SIPA1L1: variants seen among roughly 807,000 people sequenced by gnomAD.
SIPA1L1 encodes signal-induced proliferation-associated 1-like protein 1.
SIPA1L1 carries 26 observed loss-of-function variants against 162.7 expected under a neutral mutation model. That is an observed-to-expected ratio of 0.16 (90% CI 0.12 to 0.22). The LOEUF is 0.22. Ranked by LOEUF, SIPA1L1 falls within the 10% of genes least tolerant of loss-of-function variation. The pLI, the probability that SIPA1L1 is intolerant of heterozygous loss-of-function variation, is 1.00. For missense variants in SIPA1L1, 1,874 were observed against 2,241.0 expected (o/e 0.84, Z 3.31); for synonymous variants, 829 against 837.4 (o/e 0.99, Z 0.17).
rs1418891336 is a variant in SIPA1L1 at position 71,533,331 on chromosome 14, C to G, written c.-303+3961C>G. Reference sequence around the variant, plus strand: ...AATAGACATAAAATGAAGACTTTTCCTAGAGTACCCTTTTTCATTTTTTTC... The same window carrying G: ...AATAGACATAAAATGAAGACTTTTCGTAGAGTACCCTTTTTCATTTTTTTC... On this transcript the variant is annotated intron_variant, in intron 4 of 23. Transcript: ENST00000381232. Among the ~76,000 whole-genome samples the G allele has an allele frequency of 3.3e-5, 5 of 152,028 alleles. No homozygotes were observed. In the South Asian group the frequency reaches 6.2e-4, roughly 19 times the overall value.
chr14:71,723,832 G>T lies in SIPA1L1; in HGVS notation c.4394G>T (p.Gly1465Val). ...GGCGCTACTAGCAAGTACCTGATTG[G>T]ATGGAAAAAACCCGAAGGAACCATA... is the stretch of plus-strand genomic sequence containing the variant. ...RQGATSKYLI[G>V]WKKPEGTINS... The change falls in exon 18 of 24, where the codon GGA becomes GTA. Residue 1465 changes from glycine to valine, a missense_variant. Gly to Val is a moderately radical substitution (Grantham distance 109). Transcript: ENST00000381232. 1 of 1,614,178 alleles carries T rather than the reference G, an allele frequency of 6.2e-7. No homozygotes were observed. Among genetic ancestry groups the T allele is most frequent in the Non-Finnish European group, 8.5e-7 (1 of 1,180,040 alleles).
At chr14:71,567,903 G>A (rs2031065618) in intron 4 of SIPA1L1, among the ~76,000 whole-genome samples, 1 of 152,242 alleles carries the variant, frequency 6.6e-6, no homozygotes, top group African/African-American at 2.4e-5. Context: ...GACCATATAG[G>A]ACAACTTCCA....
At chr14:71,540,932 G>C (rs1385936233) in intron 4 of SIPA1L1, among the ~76,000 whole-genome samples, 3 of 151,964 alleles carry the variant, frequency 2.0e-5, no homozygotes, top group African/African-American at 7.3e-5. Flanking sequence ...TTTGAGACCA[G>C]CCTGGCCAAC....
intron 7 of SIPA1L1, among the ~76,000 whole-genome samples, chr14:71,635,047 G>A (rs1055147379): frequency 9.9e-5 from 15 of 152,080 alleles, no homozygotes; most frequent in Admixed American, 2.6e-4. Context: ...AGAGGCCGAG[G>A]CGGGTGGGTC....
At chr14:71,345,770 G>T (rs966997057) in intron 2 of SIPA1L1, among the ~76,000 whole-genome samples, 12 of 151,762 alleles carry the variant, frequency 7.9e-5, no homozygotes, top group African/African-American at 2.9e-4. Context: ...GGGTTTCACC[G>T]TGTTAGCCAG....
At chr14:71,391,983 A>G (rs2040799181) in intron 2 of SIPA1L1, among the ~76,000 whole-genome samples, 1 of 152,190 alleles carries the variant, frequency 6.6e-6, no homozygotes, top group Non-Finnish European at 1.5e-5. Context: ...GATTATCTGA[A>G]GCCATTCAGC....
At position 71,512,807 on chromosome 14, in the gene SIPA1L1, G is replaced by T. The variant is rs181511835; in HGVS notation, c.-400G>T. The T allele has an allele frequency of 6.6e-6, 1 of 152,372 alleles. No homozygotes were observed. Among genetic ancestry groups the T allele is most frequent in the African/African-American group, 2.4e-5 (1 of 41,364 alleles). 9.4% of individuals were successfully genotyped at this position (152,372 alleles called of 1,614,324 possible). On this transcript the variant is annotated 5_prime_UTR_variant, in exon 3 of 24. Coordinates refer to ENST00000381232, the MANE Select transcript of SIPA1L1 (RefSeq NM_001386936.1). Reference sequence around the variant, plus strand: ...CCTTTTAAAGGTCTGATCATCAATTGTCTCTCTGGGCGGCCACCTATGAGA... The same window carrying T: ...CCTTTTAAAGGTCTGATCATCAATTTTCTCTCTGGGCGGCCACCTATGAGA...
At chr14:71,654,527 A>G (rs1207627971) in intron 8 of SIPA1L1, among the ~76,000 whole-genome samples, 1 of 152,188 alleles carries the variant, frequency 6.6e-6, no homozygotes, top group Non-Finnish European at 1.5e-5. Context: ...CCCTGCCTTC[A>G]TTAATTTGCT....
intron 5 of SIPA1L1, among the ~76,000 whole-genome samples, chr14:71,606,904 T>C (rs1023974872): frequency 6.6e-6 from 1 of 152,144 alleles, no homozygotes; most frequent in Non-Finnish European, 1.5e-5. Context: ...GTTAAAACTT[T>C]TTATTTTTTT....
chr14:71,417,500 A>AAAAC (rs1566996062), intron 2 of SIPA1L1, among the ~76,000 whole-genome samples: 1 of 146,410 alleles, frequency 6.8e-6, no homozygotes, highest in African/African-American at 2.5e-5. Context: ...AAAAAAAAAA[A>AAAAC]AAAGAAAATC....
intron 2 of SIPA1L1, among the ~76,000 whole-genome samples, chr14:71,479,336 GGTATGTATGTATGTAT>G (rs59082026): frequency 6.7e-6 from 1 of 148,218 alleles, no homozygotes; most frequent in Non-Finnish European, 1.5e-5. Flanking sequence ...TGTGTATGTA[GGTATGTATGTATGTAT>G]GTATGTATGT....
chr14:71,700,296 C>T (rs1336250029), intron 14 of SIPA1L1, among the ~76,000 whole-genome samples: 1 of 152,186 alleles, frequency 6.6e-6, no homozygotes, highest in Non-Finnish European at 1.5e-5. Context: ...ACTTGATAGG[C>T]TAAGGCAGGA....
At chr14:71,431,484 G>A (rs772029546) in intron 2 of SIPA1L1, among the ~76,000 whole-genome samples, 7 of 152,108 alleles carry the variant, frequency 4.6e-5, no homozygotes, top group South Asian at 4.2e-4. Flanking sequence ...CGTGAGTCCA[G>A]GAGTTCGAGA....
chr14:71,632,672 C>T (rs937517692), intron 7 of SIPA1L1, among the ~76,000 whole-genome samples: 8 of 152,098 alleles, frequency 5.3e-5, no homozygotes, highest in African/African-American at 1.9e-4. Context: ...ACCAAAGTGT[C>T]AGTGAAAGCC....
At chr14:71,676,113 A>G (rs2045144102) in intron 12 of SIPA1L1, among the ~76,000 whole-genome samples, 1 of 143,462 alleles carries the variant, frequency 7.0e-6, no homozygotes, top group Admixed American at 7.0e-5. Flanking sequence ...CAAATGATTC[A>G]CCAGCCTTCT....
At chr14:71,712,678 A>G (rs564833132) in intron 17 of SIPA1L1, among the ~76,000 whole-genome samples, 3 of 152,332 alleles carry the variant, frequency 2.0e-5, no homozygotes, top group Admixed American at 2.0e-4. Flanking sequence ...GGACCTCCTC[A>G]GTTAGTCCAA....
At chr14:71,496,506 T>G (rs1012394165) in intron 2 of SIPA1L1, among the ~76,000 whole-genome samples, 3 of 152,224 alleles carry the variant, frequency 2.0e-5, no homozygotes, top group African/African-American at 7.2e-5. Flanking sequence ...CCTTCTAAAT[T>G]TGAGACTTGT....
At chr14:71,323,294 C>G (rs2033350363) in intron 2 of SIPA1L1, among the ~76,000 whole-genome samples, 1 of 152,108 alleles carries the variant, frequency 6.6e-6, no homozygotes, top group Non-Finnish European at 1.5e-5. Context: ...AAGTTGCAAT[C>G]TGAATTTTTA....
chr14:71,476,407 A>G (rs2047853759), intron 2 of SIPA1L1, among the ~76,000 whole-genome samples: 1 of 152,182 alleles, frequency 6.6e-6, no homozygotes. Context: ...TTTGTGGCTG[A>G]ACAGTTAACT....
Sources: gnomAD v4.1 joint callset for allele counts (sites outside exome capture counted in the v4.1 genomes callset) on GRCh38, gnomAD v4.1.1 for gene constraint, MANE v1.5 for transcripts, NCBI Gene and HGNC (gene_info 2026-07-23, HGNC 2026-07-21) for gene names.